Variants in ZIM2 observed in about 807,000 individuals in gnomAD.
ZIM2 encodes zinc finger imprinted 2.
Under a neutral mutation model 38.6 loss-of-function variants are expected in ZIM2, and 14 were observed. The ratio of observed to expected loss-of-function variants is 0.36; its 90% CI spans 0.24 to 0.57. The LOEUF is 0.57. ZIM2 is among the 20% of genes least tolerant of loss of function. ZIM2 has a pLI of 0.81. For synonymous variants in ZIM2, 247 were observed against 245.8 expected, an observed-to-expected ratio of 1.00 and a Z score of -0.04; for missense variants, 680 against 695.1, an observed-to-expected ratio of 0.98 and a Z score of 0.24.
chr19:56,822,410 G>A (rs2060583710), intron 6 of ZIM2: 1 of 246,116 alleles, frequency 4.1e-6, no homozygotes, highest in African/African-American at 2.3e-5. Context: ...GTTACAATGT[G>A]TTTTTCATTC....
intron 7 of ZIM2, among the ~76,000 whole-genome samples, chr19:56,819,560 G>T (rs1276563759): frequency 6.6e-6 from 1 of 152,206 alleles, no homozygotes; most frequent in African/African-American, 2.4e-5. Flanking sequence ...GCTGTGGGAA[G>T]CCCACAGGCT....
At chr19:56,797,054 G>A (rs1182841877) in intron 9 of ZIM2, among the ~76,000 whole-genome samples, 3 of 151,832 alleles carry the variant, frequency 2.0e-5, no homozygotes, top group Non-Finnish European at 4.4e-5. Context: ...GTTCACACCT[G>A]TAATCCCAGC....
chr19:56,795,948 TAAC>T (rs752928316), intron 9 of ZIM2, among the ~76,000 whole-genome samples: 5 of 152,198 alleles, frequency 3.3e-5, no homozygotes, highest in South Asian at 2.1e-4. Flanking sequence ...AAATAAAAAA[TAAC>T]AAACTAATTT....
At chr19:56,839,636 G>A (rs777517675) in intron 1 of ZIM2, among the ~76,000 whole-genome samples, 1 of 151,062 alleles carries the variant, frequency 6.6e-6, no homozygotes, top group East Asian at 2.0e-4. Context: ...CTAGAACAGC[G>A]CCTACTCGGC....
chr19:56,789,695 G>T lies in ZIM2; in HGVS notation c.570+177C>A, dbSNP rs1555788891. 4.0e-5 allele frequency among the ~76,000 whole-genome samples: 6 copies of T among 151,294 alleles called. No homozygotes were observed. The East Asian group carries it at 1.2e-3, about 29-fold the overall frequency. ...AGAAGGATTTTTCTTGGAGAAATAAGAAAAAAAAGAATCATAAGCAAATGT... is the reference window on the plus strand; with the variant it reads ...AGAAGGATTTTTCTTGGAGAAATAATAAAAAAAAGAATCATAAGCAAATGT... On this transcript the variant is annotated intron_variant, in intron 10 of 12. Coordinates refer to ENST00000629319, the MANE Select transcript of ZIM2 (RefSeq NM_001387356.1).
chr19:56,822,754 G>T lies in ZIM2; in HGVS notation c.189C>A (p.Ser63Arg), dbSNP rs754877008. The change falls in exon 6 of 13, where the codon AGC (serine) becomes AGA (arginine). Residue 63 changes from serine to arginine, a missense_variant and splice_region_variant. Physicochemically the swap from Ser to Arg is moderately radical, Grantham distance 110. Coordinates refer to ENST00000629319, the MANE Select transcript of ZIM2 (RefSeq NM_001387356.1). ...GGAAAGAAAGTGGTTAAGACTCACT[G>T]CTTCTTGGGTTCCTGGTGTGGGACC... ...DRWSHTRNPRSRMPPRDLSLP... is the reference protein window; with the variant it reads ...DRWSHTRNPRRRMPPRDLSLP... 5.0e-6 allele frequency: 8 copies of T among 1,613,950 alleles called. No individual in the cohort carries two copies. The highest frequency in any genetic ancestry group is 6.8e-6 in the Non-Finnish European group (8 of 1,180,008).
intron 2 of ZIM2, among the ~76,000 whole-genome samples, chr19:56,833,970 T>A (rs2061825450): frequency 6.6e-6 from 1 of 152,168 alleles, no homozygotes; most frequent in South Asian, 2.1e-4. Flanking sequence ...CAAAATCTCC[T>A]TGTTGTTGTC....
intron 9 of ZIM2, among the ~76,000 whole-genome samples, chr19:56,801,827 C>T (rs534507137): frequency 6.6e-6 from 1 of 152,222 alleles, no homozygotes; most frequent in East Asian, 1.9e-4. Context: ...ATAAGGTGTC[C>T]AACAACCGGG....
At chr19:56,815,154 G>A in intron 9 of ZIM2, 3 of 1,613,868 alleles carry the variant, frequency 1.9e-6, no homozygotes, top group South Asian at 1.1e-5. Flanking sequence ...CCTTCTGAGG[G>A]TCTTCCATGT....
At chr19:56,823,754 G>A (rs764595363) in intron 4 of ZIM2, 75 bp from the exon 5 acceptor site, 45 of 1,510,848 alleles carry the variant, frequency 3.0e-5, no homozygotes, top group African/African-American at 5.5e-5. Flanking sequence ...TCCCTGAGCC[G>A]CATCTCCCTG....
chr19:56,804,467 T>A (rs571638520), intron 9 of ZIM2, among the ~76,000 whole-genome samples: 8 of 152,310 alleles, frequency 5.3e-5, no homozygotes, highest in African/African-American at 1.9e-4. Context: ...GACCGCAGTC[T>A]TCAGGTAAGC....
chr19:56,811,879 T>C, intron 9 of ZIM2: 1 of 985,374 alleles, frequency 1.0e-6, no homozygotes, highest in African/African-American at 1.7e-5. Flanking sequence ...CTTCTGTCTG[T>C]CTCCTCTCCC....
intron 10 of ZIM2, among the ~76,000 whole-genome samples, chr19:56,788,081 G>GTT (rs1250072054): frequency 2.1e-5 from 3 of 142,190 alleles, no homozygotes; most frequent in African/African-American, 5.1e-5. Context: ...TTTTTGAAGG[G>GTT]TTTTTTTTTT....
At chr19:56,827,223 T>C (rs1568691685) in intron 2 of ZIM2, among the ~76,000 whole-genome samples, 1 of 152,198 alleles carries the variant, frequency 6.6e-6, no homozygotes, top group East Asian at 1.9e-4. Flanking sequence ...CATATGTATC[T>C]TGTCACAAGG....
At chr19:56,796,079 C>T (rs1281774047) in intron 9 of ZIM2, among the ~76,000 whole-genome samples, 1 of 152,084 alleles carries the variant, frequency 6.6e-6, no homozygotes, top group Non-Finnish European at 1.5e-5. Context: ...CTGAAGTGCC[C>T]CACCAATGTT....
At chr19:56,833,201 C>T (rs756636572) in intron 2 of ZIM2, 6 of 514,584 alleles carry the variant, frequency 1.2e-5, no homozygotes, top group Middle Eastern at 3.2e-4. Flanking sequence ...GAAAATCCAC[C>T]GAGTCTCCTT....
At chr19:56,837,449 A>G (rs2062281190) in intron 1 of ZIM2, among the ~76,000 whole-genome samples, 1 of 152,160 alleles carries the variant, frequency 6.6e-6, no homozygotes, top group African/African-American at 2.4e-5. Context: ...CTCACTTAAA[A>G]TCCCACCTTT....
At chr19:56,835,138 C>T (rs1290210428) in intron 2 of ZIM2, among the ~76,000 whole-genome samples, 1 of 152,128 alleles carries the variant, frequency 6.6e-6, no homozygotes, top group Admixed American at 6.5e-5. Flanking sequence ...CATCTCTCAC[C>T]CAGGCCCAAG....
rs748711906 is a variant in ZIM2 at position 56,782,147 on chromosome 19, G to GT, written c.571-27dup. On this transcript the variant is annotated intron_variant, in intron 10 of 12. Coordinates refer to ENST00000629319, the MANE Select transcript of ZIM2 (RefSeq NM_001387356.1). ...CTATCCCAGAGAGAGGAGAAGGGAC[G>GT]TGATTAGAGAGGACTGAACATGATG... 4 of 1,609,238 alleles carry GT rather than the reference G, an allele frequency of 2.5e-6. No individual in the cohort carries two copies. The South Asian group carries it at 4.4e-5, about 18-fold the overall frequency.
Sources: allele counts gnomAD v4.1 joint callset (sites outside exome capture counted in the v4.1 genomes callset), GRCh38; gene constraint gnomAD v4.1.1; transcripts MANE v1.5; gene names NCBI Gene and HGNC (gene_info 2026-07-23, HGNC 2026-07-21).